The following SEMA6C variants were observed in gnomAD, a reference collection of about 807,000 sequenced individuals.
SEMA6C encodes semaphorin 6C, also known as semaphorin-6C.
In SEMA6C, 37 loss-of-function variants were observed where a neutral mutation model predicts 72.9. The ratio of observed to expected loss-of-function variants is 0.51; its 90% CI spans 0.39 to 0.67. The LOEUF is 0.67. Ranked by LOEUF, SEMA6C falls within the 30% of genes least tolerant of loss-of-function variation. The probability of loss-of-function intolerance (pLI) is 0.00; values close to 1 mark genes in which losing one functional copy is unlikely to be tolerated. For synonymous variants in SEMA6C, 578 were observed against 554.1 expected (o/e 1.04, Z -0.61); for missense variants, 1,189 against 1,263.6 (o/e 0.94, Z 0.89).
intron 18 of SEMA6C, chr1:151,134,097 C>T (rs1681812538): frequency 8.0e-6 from 11 of 1,382,458 alleles, no homozygotes; most frequent in Non-Finnish European, 1.1e-5. Flanking sequence ...GGCTCTTGAT[C>T]TCTACCCCTG....
At chr1:151,138,603 T>A in intron 7 of SEMA6C, 27 bp downstream of exon 7, 2 of 1,604,398 alleles carry the variant, frequency 1.2e-6, no homozygotes, top group Non-Finnish European at 1.7e-6. Flanking sequence ...CCAACTCCCA[T>A]CCTAACCCCC....
chr1:151,137,086 G>C lies in SEMA6C; in HGVS notation c.757-12C>G, dbSNP rs1323846629. 4.3e-6 allele frequency: 7 copies of C among 1,610,292 alleles called. No homozygotes were observed. The highest frequency in any genetic ancestry group is 5.9e-6 in the Non-Finnish European group (7 of 1,177,926). ...CGGGAGAACTGCACCTAGGGGAGGA[G>C]AGTGGAGTAGACAATGGTGAGACAG... On this transcript the variant is annotated splice_polypyrimidine_tract_variant and intron_variant, in intron 10 of 18. Coordinates refer to ENST00000368914, the MANE Select transcript of SEMA6C (RefSeq NM_030913.6).
intron 3 of SEMA6C, among the ~76,000 whole-genome samples, chr1:151,140,301 AT>A (rs1682424569): frequency 6.6e-6 from 1 of 152,216 alleles, no homozygotes; most frequent in South Asian, 2.1e-4. Flanking sequence ...ACATGGTCCT[AT>A]GAGGTAGCTT....
Position 151,135,657 on chromosome 1 carries a change from G to A in SEMA6C, c.1367C>T (p.Pro456Leu). Residue 456 changes from proline to leucine, a missense_variant, in exon 14 of 19, where the codon CCA becomes CTA. By Grantham distance (98) the Pro-to-Leu change is moderately conservative. Transcript: ENST00000368914. The part of the protein sequence containing the change: ...NDGTVLKVLT[P>L]GGRSGGPEPI... ...CTCAGGTCCCCCGGATCGCCCACCT[G>A]GGGTCAGCACCTTCAGCACTGTCCC... 1 of 1,614,250 alleles carries A rather than the reference G, an allele frequency of 6.2e-7. No individual in the cohort carries two copies. The highest frequency in any genetic ancestry group is 8.5e-7 in the Non-Finnish European group (1 of 1,180,046).
intron 6 of SEMA6C, among the ~76,000 whole-genome samples, chr1:151,139,060 T>C (rs796832185): frequency 7.3e-6 from 1 of 136,716 alleles, no homozygotes; most frequent in African/African-American, 2.8e-5. Flanking sequence ...GCCATTGCAC[T>C]CCAGTCTGGG....
chr1:151,132,120 A>G lies in SEMA6C; in HGVS notation c.*364T>C. 5.6e-6 allele frequency: 6 copies of G among 1,068,124 alleles called. No individual in the cohort carries two copies. The South Asian group carries it at 7.7e-5, about 14-fold the overall frequency. The allele number at this position is 1,068,124 out of a possible 1,614,324, so 66.2% of individuals were successfully genotyped here. On this transcript the variant is annotated 3_prime_UTR_variant, in exon 19 of 19. Transcript: ENST00000368914. ...AGTAGGAGAGGCACGTCCCAGACCC[A>G]GAAGGCCCGAGGACTCTGGACACAG... is the stretch of plus-strand genomic sequence containing the variant.
In SEMA6C at chr1:151,132,813, C is replaced by A. The variant is rs938007627; in HGVS notation, c.2464G>T (p.Val822Leu). Residue 822 changes from valine to leucine, a missense_variant, in exon 19 of 19, where the codon GTG (valine) becomes TTG (leucine). Around this residue, in one of 2 missense-constraint regions of SEMA6C, gnomAD observed 721 missense variants for 686.2 expected, o/e 1.05. Transcript: ENST00000368914. The part of the protein sequence containing the change: ...HECASPLRLD[V>L]PPEGRCASAP... Reference sequence around the variant, plus strand: ...GAGGCGCACCTGCCCTCGGGGGGCACGTCCAGCCTCAGCGGCGAGGCGCAC... The same window carrying A: ...GAGGCGCACCTGCCCTCGGGGGGCAAGTCCAGCCTCAGCGGCGAGGCGCAC... 6 of 1,313,216 alleles carry A rather than the reference C, an allele frequency of 4.6e-6. No homozygotes were observed. Among genetic ancestry groups the A allele is most frequent in the East Asian group, 3.3e-5 (1 of 29,998 alleles). The allele number at this position is 1,313,216 out of a possible 1,614,324, so 81.3% of individuals were successfully genotyped here.
Position 151,133,873 on chromosome 1 carries a change from C to A in SEMA6C, c.1760-356G>T. On this transcript the variant is annotated intron_variant, in intron 18 of 18. Coordinates refer to ENST00000368914, the MANE Select transcript of SEMA6C (RefSeq NM_030913.6). The surrounding 1 kb of genome is among the most constrained non-coding windows in gnomAD (Gnocchi z 5.9). Reference sequence around the variant, plus strand: ...GCTCCAAACAGGCGTTAGTGAGCACCAAACACCATTCAGTGAGGGGCTTAG... The same window carrying A: ...GCTCCAAACAGGCGTTAGTGAGCACAAAACACCATTCAGTGAGGGGCTTAG... 1 of 1,209,530 alleles carries A rather than the reference C, an allele frequency of 8.3e-7. No individual in the cohort carries two copies. Among genetic ancestry groups the A allele is most frequent in the Non-Finnish European group, 1.2e-6 (1 of 848,864 alleles). 74.9% of individuals were successfully genotyped at this position (1,209,530 alleles called of 1,614,324 possible). A position where few individuals can be genotyped will look rare whatever the true frequency, so the allele number is the denominator to read the frequency against.
intron 2 of SEMA6C, among the ~76,000 whole-genome samples, chr1:151,143,170 G>A (rs1451870271): frequency 1.3e-5 from 2 of 152,202 alleles, no homozygotes; most frequent in Non-Finnish European, 1.5e-5. Flanking sequence ...GGGGGCAGCC[G>A]TGTGGCTGAC....
chr1:151,143,143 A>G (rs1426954591), intron 2 of SEMA6C, among the ~76,000 whole-genome samples: 3 of 152,190 alleles, frequency 2.0e-5, no homozygotes, highest in African/African-American at 7.2e-5. Context: ...GGAGCAATGC[A>G]GGCACTGCGC....
chr1:151,146,331 C>A lies in SEMA6C; in HGVS notation c.-105+102G>T. On this transcript the variant is annotated intron_variant, in intron 1 of 18. Coordinates refer to ENST00000368914, the MANE Select transcript of SEMA6C (RefSeq NM_030913.6). The surrounding 1 kb of genome is among the most constrained non-coding windows in gnomAD (Gnocchi z 4.6). ...AGCCAGGCACACCGGGCGCCGACAC[C>A]TCCCTGGTCCCCTAGCGCTTCAGAA... 1 of 152,890 alleles carries A rather than the reference C, an allele frequency of 6.5e-6. No homozygotes were observed. 9.5% of individuals were successfully genotyped at this position (152,890 alleles called of 1,614,324 possible).
chr1:151,137,091 G>A lies in SEMA6C; in HGVS notation c.757-17C>T. 1 of 1,609,348 alleles carries A rather than the reference G, an allele frequency of 6.2e-7. No homozygotes were observed. Among genetic ancestry groups the A allele is most frequent in the African/African-American group, 1.3e-5 (1 of 74,930 alleles). The stretch of plus-strand genomic sequence containing the variant: ...GAACTGCACCTAGGGGAGGAGAGTG[G>A]AGTAGACAATGGTGAGACAGACCCA... On this transcript the variant is annotated splice_polypyrimidine_tract_variant and intron_variant, in intron 10 of 18. Coordinates refer to ENST00000368914, the MANE Select transcript of SEMA6C (RefSeq NM_030913.6).
Position 151,137,788 on chromosome 1 carries a change from C to A in SEMA6C, c.679G>T (p.Val227Phe), listed in dbSNP as rs144976743. The A allele has an allele frequency of 1.2e-6, 2 of 1,613,236 alleles. No homozygotes were observed. The highest frequency in any genetic ancestry group is 1.7e-6 in the Non-Finnish European group (2 of 1,179,470). The part of the protein sequence containing the change: ...DSKWLREPHF[V>F]QALEHGDHVY... ...TGGTCTCCATGCTCCAAGGCCTGGA[C>A]AAAGTGTGGCTCTAAGATGGGGAAT... Residue 227 changes from valine (V) to phenylalanine (F), a missense_variant, in exon 10 of 19, where the codon GTC becomes TTC. Val to Phe is a conservative substitution (Grantham distance 50). Coordinates refer to ENST00000368914, the MANE Select transcript of SEMA6C (RefSeq NM_030913.6).
Position 151,138,426 on chromosome 1 carries a change from A to G in SEMA6C, c.457-20T>C, listed in dbSNP as rs1434964607. The stretch of plus-strand genomic sequence containing the variant: ...AGTTATCTGAGGGCAGAGGGAGCAG[A>G]TGCCTGGAACCTTTAGGGTCTTGGA... On this transcript the variant is annotated intron_variant, in intron 7 of 18. Transcript: ENST00000368914. The G allele has an allele frequency of 1.2e-6, 2 of 1,608,056 alleles. No homozygotes were observed. The highest frequency in any genetic ancestry group is 2.2e-5 in the South Asian group (2 of 90,280).
At chr1:151,138,573 T>A in intron 7 of SEMA6C, 57 bp downstream of exon 7, 1 of 1,539,362 alleles carries the variant, frequency 6.5e-7, no homozygotes, top group Admixed American at 1.7e-5. Context: ...ATCAAACCCA[T>A]TGCCCATCTT....
chr1:151,132,495 AACGGCCGCCGTTCGGG>A lies in SEMA6C; in HGVS notation c.2766_2781del (p.Pro923SerfsTer71). 6.5e-7 allele frequency: 1 copy of A among 1,548,292 alleles called. No homozygotes were observed. Among genetic ancestry groups the A allele is most frequent in the Non-Finnish European group, 8.7e-7 (1 of 1,145,774 alleles). The stretch of plus-strand genomic sequence containing the variant: ...GTGGGCCGCTCCCTTTAAAAGTTGA[AACGGCCGCCGTTCGGG>A]ACGGCCTGGCGGGAGGAGGGCCCGA... On this transcript the variant is annotated frameshift_variant, in exon 19 of 19. Coordinates refer to ENST00000368914, the MANE Select transcript of SEMA6C (RefSeq NM_030913.6). LOFTEE classifies it high-confidence loss of function.
rs1681991084 is a variant in SEMA6C at position 151,136,008 on chromosome 1, T to C, written c.1259+3A>G. Reference sequence around the variant, plus strand: ...CAGTGGTCAGTGTTTTTCAGCCCCATACCTGCTAGTGAGAGTGAGTAGAGG... The same window carrying C: ...CAGTGGTCAGTGTTTTTCAGCCCCACACCTGCTAGTGAGAGTGAGTAGAGG... On this transcript the variant is annotated splice_donor_region_variant and intron_variant, in intron 13 of 18. Transcript: ENST00000368914. 2 of 1,613,964 alleles carry C rather than the reference T, an allele frequency of 1.2e-6. No homozygotes were observed. The highest frequency in any genetic ancestry group is 1.3e-5 in the African/African-American group (1 of 74,910).
At position 151,132,294 on chromosome 1, in the gene SEMA6C, C is replaced by G. The variant is rs1319155219; in HGVS notation, c.*190G>C. ...GGAGACGGGCTTCTCACCTCCCACT[C>G]TTCTGTCGAGGACAGGGGGAAAGAC... is the stretch of plus-strand genomic sequence containing the variant. On this transcript the variant is annotated 3_prime_UTR_variant, in exon 19 of 19. Coordinates refer to ENST00000368914, the MANE Select transcript of SEMA6C (RefSeq NM_030913.6). The G allele has an allele frequency of 6.5e-7, 1 of 1,535,008 alleles. No homozygotes were observed. The highest frequency in any genetic ancestry group is 1.4e-5 in the African/African-American group (1 of 72,954).
At chr1:151,140,777 A>C (rs587660341) in intron 3 of SEMA6C, among the ~76,000 whole-genome samples, 1 of 152,018 alleles carries the variant, frequency 6.6e-6, no homozygotes. Flanking sequence ...GGCGGATCAC[A>C]AGGTCAGGAG....
Sources: gnomAD v4.1 joint callset for allele counts (sites outside exome capture counted in the v4.1 genomes callset) on GRCh38, gnomAD v4.1.1 for gene constraint, gnomAD v4.1.1 regional missense constraint, Gnocchi (gnomAD v3.1) non-coding constraint, MANE v1.5 for transcripts, NCBI Gene and HGNC (gene_info 2026-07-23, HGNC 2026-07-21) for gene names.